HECW1: variants seen among roughly 807,000 people sequenced by gnomAD.
HECW1 encodes the protein HECT, C2 and WW domain containing E3 ubiquitin protein ligase 1.
In HECW1, 61 loss-of-function variants were observed where a neutral mutation model predicts 182.3. That is an observed-to-expected ratio of 0.33 (90% CI 0.27 to 0.41). The LOEUF (loss-of-function observed/expected upper bound fraction) is 0.41, where lower values mean the gene tolerates loss of function less well. Among genes scored for constraint, HECW1 ranks in the 10% least tolerant of loss-of-function variants. The pLI is 1.00. For missense variants in HECW1, 1,739 were observed against 2,108.9 expected, an observed-to-expected ratio of 0.82 and a Z score of 3.44; for synonymous variants, 859 against 832.6, an observed-to-expected ratio of 1.03 and a Z score of -0.55.
chr7:43,407,497 T>C (rs1343754851), intron 7 of HECW1, 65 bp from the exon 8 acceptor site: 1 of 1,223,514 alleles, frequency 8.2e-7, no homozygotes, highest in East Asian at 2.5e-5. Flanking sequence ...AAAGGTGTGG[T>C]TACCAAATGC....
chr7:43,348,088 G>C (rs902850633), intron 5 of HECW1, among the ~76,000 whole-genome samples: 3 of 152,112 alleles, frequency 2.0e-5, no homozygotes, highest in Non-Finnish European at 4.4e-5. Flanking sequence ...AGTGTCAAAA[G>C]TACCAATTCA....
At chr7:43,310,631 G>A (rs1233885363) in intron 3 of HECW1, among the ~76,000 whole-genome samples, 11 of 152,198 alleles carry the variant, frequency 7.2e-5, no homozygotes, top group Non-Finnish European at 1.5e-4. Flanking sequence ...CAACATCCTG[G>A]TCTTGGAGGA....
Position 43,500,765 on chromosome 7 carries a change from T to C in HECW1, c.3504T>C (p.Asp1168=). Residue 1168 remains aspartate (D), a synonymous_variant, in exon 20 of 30, where the codon GAT becomes GAC. Coordinates refer to ENST00000395891, the MANE Select transcript of HECW1 (RefSeq NM_015052.5). ...TTGAGAAGTTGTCCTGTGATGCGGA[T>C]CTGGTCATTTTGCTGAGGTAGGGGG... ...HGLEKLSCDA[D]LVILLSLFEE... 6.2e-7 allele frequency: 1 copy of C among 1,613,728 alleles called. No individual in the cohort carries two copies. The highest frequency in any genetic ancestry group is 8.5e-7 in the Non-Finnish European group (1 of 1,179,698).
intron 29 of HECW1, among the ~76,000 whole-genome samples, chr7:43,556,055 A>G (rs2082007348): frequency 6.6e-6 from 1 of 152,226 alleles, no homozygotes; most frequent in Admixed American, 6.5e-5. Context: ...CCTGCAATCT[A>G]GGGAGAACAC....
At chr7:43,323,476 C>T (rs1413421614) in intron 5 of HECW1, among the ~76,000 whole-genome samples, 2 of 151,942 alleles carry the variant, frequency 1.3e-5, no homozygotes, top group Non-Finnish European at 2.9e-5. Context: ...GTCGCAGCTA[C>T]TTGGGAGGCT....
chr7:43,198,872 G>T (rs1001617979), intron 2 of HECW1, among the ~76,000 whole-genome samples: 1 of 152,210 alleles, frequency 6.6e-6, no homozygotes, highest in African/African-American at 2.4e-5. Flanking sequence ...AGGAGAACTG[G>T]TGAAGTAGGA....
At chr7:43,544,135 G>T (rs531198430) in intron 26 of HECW1, among the ~76,000 whole-genome samples, 2 of 152,166 alleles carry the variant, frequency 1.3e-5, no homozygotes, top group Admixed American at 6.5e-5. Context: ...TACAGATATC[G>T]CACAAATTCT....
rs538157219 is a variant in HECW1 at position 43,562,786 on chromosome 7, T to C, written c.*860T>C. 4.6e-6 allele frequency: 1 copy of C among 216,978 alleles called. No homozygotes were observed. Among genetic ancestry groups the C allele is most frequent in the African/African-American group, 2.2e-5 (1 of 44,496 alleles). 13.4% of individuals were successfully genotyped at this position (216,978 alleles called of 1,614,324 possible). A position where few individuals can be genotyped will look rare whatever the true frequency, so the allele number is the denominator to read the frequency against. Reference sequence around the variant, plus strand: ...TGAGGCTTCAGCCCCCATTGTCTTATGTAGAATGTGGCAATGCCAACTGGA... The same window carrying C: ...TGAGGCTTCAGCCCCCATTGTCTTACGTAGAATGTGGCAATGCCAACTGGA... On this transcript the variant is annotated 3_prime_UTR_variant, in exon 30 of 30. Coordinates refer to ENST00000395891, the MANE Select transcript of HECW1 (RefSeq NM_015052.5).
Position 43,225,162 on chromosome 7 carries a change from T to C in HECW1, c.-31-18713T>C, listed in dbSNP as rs114436892. Among the ~76,000 whole-genome samples, 618 of 152,332 alleles carry C rather than the reference T, an allele frequency of 4.1e-3. 3 individuals carry two copies. The highest frequency in any genetic ancestry group is 0.014 in the African/African-American group (591 of 41,570). On this transcript the variant is annotated intron_variant, in intron 2 of 29. Coordinates refer to ENST00000395891, the MANE Select transcript of HECW1 (RefSeq NM_015052.5). ...AGCCAGATCGAGGGACTCACCCAGCTATCAGATGGTGGCTGGACTGTTTTT... is the reference window on the plus strand; with the variant it reads ...AGCCAGATCGAGGGACTCACCCAGCCATCAGATGGTGGCTGGACTGTTTTT...
intron 5 of HECW1, among the ~76,000 whole-genome samples, chr7:43,353,792 T>C (rs960348910): frequency 9.9e-5 from 15 of 152,216 alleles, no homozygotes; most frequent in Non-Finnish European, 1.8e-4. Context: ...ACGAGAAGCA[T>C]TGGGAGTGCC....
chr7:43,187,370 T>C (rs985367331), intron 2 of HECW1, among the ~76,000 whole-genome samples: 1 of 152,232 alleles, frequency 6.6e-6, no homozygotes, highest in Non-Finnish European at 1.5e-5. Context: ...CTGAAGGTAG[T>C]GTCAAAGAAT....
At chr7:43,449,951 TA>T (rs1465239723) in intron 11 of HECW1, among the ~76,000 whole-genome samples, 1 of 152,236 alleles carries the variant, frequency 6.6e-6, no homozygotes, top group Non-Finnish European at 1.5e-5. Context: ...TTCAGTTCAT[TA>T]TAAGTCCGAA....
chr7:43,518,508 C>A (rs118150915), intron 24 of HECW1, among the ~76,000 whole-genome samples: 4 of 149,680 alleles, frequency 2.7e-5, no homozygotes, highest in African/African-American at 7.4e-5. Context: ...AAAAAAAAAA[C>A]GTATTTGAAT....
intron 16 of HECW1, among the ~76,000 whole-genome samples, chr7:43,479,104 A>G (rs2078324620): frequency 6.6e-6 from 1 of 152,186 alleles, no homozygotes; most frequent in Admixed American, 6.5e-5. Flanking sequence ...CAAGCACATT[A>G]CATTTATTAT....
At chr7:43,556,697 T>A (rs372543043) in intron 29 of HECW1, among the ~76,000 whole-genome samples, 23,601 of 143,960 alleles carry the variant, frequency 0.16, 2,424 homozygotes, top group Non-Finnish European at 0.24. Flanking sequence ...CAAATTAAAT[T>A]AAAAAAAAAA....
intron 26 of HECW1, among the ~76,000 whole-genome samples, chr7:43,549,630 C>T (rs191621596): frequency 6.6e-6 from 1 of 152,330 alleles, no homozygotes; most frequent in East Asian, 1.9e-4. Flanking sequence ...TCCCTGATGA[C>T]TCAAGCATGT....
intron 20 of HECW1, 34 bp from the exon 21 acceptor site, chr7:43,501,179 C>CT: frequency 9.2e-6 from 10 of 1,091,938 alleles, no homozygotes; most frequent in South Asian, 3.5e-5. Flanking sequence ...ACTTTCTTTT[C>CT]TTTCTTTTTT....
chr7:43,461,580 A>C (rs965503532), intron 13 of HECW1, among the ~76,000 whole-genome samples: 99 of 152,308 alleles, frequency 6.5e-4, no homozygotes, highest in East Asian at 1.5e-3. Context: ...TCTTGCTGGC[A>C]ACCCCTGCTT....
chr7:43,328,972 G>A (rs1446109161), intron 5 of HECW1, among the ~76,000 whole-genome samples: 1 of 152,178 alleles, frequency 6.6e-6, no homozygotes, highest in Non-Finnish European at 1.5e-5. Context: ...CTGGTCTCCA[G>A]GGGCTCAGAT....
Sources: gnomAD v4.1 joint callset for allele counts (sites outside exome capture counted in the v4.1 genomes callset) on GRCh38, gnomAD v4.1.1 for gene constraint, MANE v1.5 for transcripts, NCBI Gene and HGNC (gene_info 2026-07-23, HGNC 2026-07-21) for gene names.